EPHA4: variants seen among roughly 807,000 people sequenced by gnomAD.
EPHA4 encodes the protein ephrin type-A receptor 4.
A neutral mutation model predicts 108.3 loss-of-function variants in EPHA4; 19 were observed. The observed-to-expected ratio is 0.18, with a 90% confidence interval of 0.12 to 0.26. The LOEUF (loss-of-function observed/expected upper bound fraction) is 0.26. EPHA4 is among the 10% of genes least tolerant of loss of function. The pLI is 1.00. For missense variants in EPHA4, 917 were observed against 1,254.0 expected (o/e 0.73, Z 4.06); for synonymous variants, 449 against 455.5 (o/e 0.99, Z 0.18).
chr2:221,489,815 G>T (rs182790980), intron 4 of EPHA4, among the ~76,000 whole-genome samples: 1 of 152,198 alleles, frequency 6.6e-6, no homozygotes, highest in African/African-American at 2.4e-5. Context: ...TGATGCTTTA[G>T]CCCAGTCCAG....
intron 14 of EPHA4, among the ~76,000 whole-genome samples, chr2:221,430,422 C>T (rs1276185224): frequency 6.6e-6 from 1 of 152,186 alleles, no homozygotes; most frequent in Non-Finnish European, 1.5e-5. Context: ...AATGTGGTGT[C>T]AGTTTTGGTG....
intron 3 of EPHA4, among the ~76,000 whole-genome samples, chr2:221,533,830 A>G (rs185938665): frequency 7.3e-5 from 11 of 150,526 alleles, no homozygotes; most frequent in African/African-American, 2.4e-4. Context: ...AACCTTCTCC[A>G]GGGCTATCCC....
chr2:221,555,301 G>A (rs903478474), intron 3 of EPHA4, among the ~76,000 whole-genome samples: 5 of 152,216 alleles, frequency 3.3e-5, no homozygotes, highest in African/African-American at 9.6e-5. Context: ...TGCATAAACA[G>A]AAGGAGATTT....
At chr2:221,540,964 G>T (rs907175978) in intron 3 of EPHA4, among the ~76,000 whole-genome samples, 1 of 147,738 alleles carries the variant, frequency 6.8e-6, no homozygotes, top group Non-Finnish European at 1.5e-5. Context: ...AGGGTATGGC[G>T]GGGAGAGAGT....
At chr2:221,530,483 G>A (rs1164066963) in intron 3 of EPHA4, among the ~76,000 whole-genome samples, 1 of 152,206 alleles carries the variant, frequency 6.6e-6, no homozygotes, top group Non-Finnish European at 1.5e-5. Flanking sequence ...GCAACGGGCT[G>A]GAGGACTTAA....
chr2:221,504,120 G>A (rs1692560307), intron 3 of EPHA4, among the ~76,000 whole-genome samples: 1 of 152,186 alleles, frequency 6.6e-6, no homozygotes, highest in East Asian at 1.9e-4. Context: ...CTGCTATGCT[G>A]TATTTTTGAA....
intron 4 of EPHA4, among the ~76,000 whole-genome samples, chr2:221,492,463 C>T (rs1692174144): frequency 6.6e-6 from 1 of 152,136 alleles, no homozygotes; most frequent in South Asian, 2.1e-4. Context: ...AATGATCAGT[C>T]TGGGGTCTAT....
chr2:221,449,807 T>C (rs1690715306), intron 8 of EPHA4, among the ~76,000 whole-genome samples: 2 of 152,234 alleles, frequency 1.3e-5, no homozygotes, highest in African/African-American at 4.8e-5. Flanking sequence ...TGGTTCACTG[T>C]TCCAAAACTA....
intron 5 of EPHA4, among the ~76,000 whole-genome samples, chr2:221,473,387 G>A (rs922523125): frequency 2.6e-5 from 4 of 151,866 alleles, no homozygotes; most frequent in African/African-American, 9.7e-5. Flanking sequence ...CCCTCTTATT[G>A]TATACCCACA....
chr2:221,538,268 G>A (rs1019205839), intron 3 of EPHA4, among the ~76,000 whole-genome samples: 1 of 152,158 alleles, frequency 6.6e-6, no homozygotes, highest in Non-Finnish European at 1.5e-5. Context: ...TTTTTGGCAT[G>A]TTAATGTATT....
intron 5 of EPHA4, among the ~76,000 whole-genome samples, chr2:221,466,801 A>G (rs1691326510): frequency 6.6e-6 from 1 of 152,188 alleles, no homozygotes; most frequent in African/African-American, 2.4e-5. Flanking sequence ...GTTATAGCTT[A>G]TATGTGGTCA....
intron 9 of EPHA4, among the ~76,000 whole-genome samples, chr2:221,443,905 G>A (rs1444120050): frequency 6.6e-6 from 1 of 152,142 alleles, no homozygotes; most frequent in Admixed American, 6.5e-5. Flanking sequence ...AAATACTATT[G>A]TCCCAAGCAG....
rs2106082761 is a variant in EPHA4 at position 221,420,504 on chromosome 2, T to TTA, written c.*867_*868insTA. On this transcript the variant is annotated 3_prime_UTR_variant, in exon 18 of 18. Transcript: ENST00000281821. ...TGTGTTCTGTTTTCTTCCACGGGCT[T>TTA]TGTAATCAACAGGAAGGGCTGTGAG... is the stretch of plus-strand genomic sequence containing the variant. 6.6e-6 allele frequency: 1 copy of TTA among 152,652 alleles called. No individual in the cohort carries two copies. Among genetic ancestry groups the TTA allele is most frequent in the East Asian group, 1.9e-4 (1 of 5,170 alleles). 9.5% of individuals were successfully genotyped at this position (152,652 alleles called of 1,614,324 possible).
chr2:221,557,794 T>G (rs1694347743), intron 3 of EPHA4, among the ~76,000 whole-genome samples: 1 of 152,204 alleles, frequency 6.6e-6, no homozygotes, highest in Non-Finnish European at 1.5e-5. Flanking sequence ...GAAACATAAC[T>G]CCACCAAATA....
At chr2:221,474,236 C>G (rs185879926) in intron 5 of EPHA4, among the ~76,000 whole-genome samples, 7 of 152,118 alleles carry the variant, frequency 4.6e-5, no homozygotes, top group Admixed American at 1.3e-4. Flanking sequence ...TGGCACCCAC[C>G]CCGAATACAA....
At chr2:221,492,435 G>C (rs927601304) in intron 4 of EPHA4, among the ~76,000 whole-genome samples, 1 of 152,094 alleles carries the variant, frequency 6.6e-6, no homozygotes, top group Admixed American at 6.6e-5. Context: ...TTAAAATTTT[G>C]CAAACAACCA....
At chr2:221,478,853 T>C (rs1015877751) in intron 5 of EPHA4, among the ~76,000 whole-genome samples, 1 of 152,240 alleles carries the variant, frequency 6.6e-6, no homozygotes, top group African/African-American at 2.4e-5. Context: ...GCAAGCCCTT[T>C]TGGCCACAGA....
At chr2:221,522,084 T>C (rs901233403) in intron 3 of EPHA4, among the ~76,000 whole-genome samples, 1 of 152,238 alleles carries the variant, frequency 6.6e-6, no homozygotes, top group African/African-American at 2.4e-5. Flanking sequence ...TGCCTGGGAC[T>C]AGGCCAGGCA....
chr2:221,509,011 C>T (rs1476486412), intron 3 of EPHA4, among the ~76,000 whole-genome samples: 1 of 152,092 alleles, frequency 6.6e-6, no homozygotes, highest in East Asian at 1.9e-4. Flanking sequence ...CAGAATAGTA[C>T]AACCTGATTG....
Sources: allele counts gnomAD v4.1 joint callset (sites outside exome capture counted in the v4.1 genomes callset), GRCh38; gene constraint gnomAD v4.1.1; transcripts MANE v1.5; gene names NCBI Gene and HGNC (gene_info 2026-07-23, HGNC 2026-07-21).